SCRG1: variants seen among roughly 807,000 people sequenced by gnomAD.
The protein encoded by SCRG1 is scrapie-responsive protein 1.
In SCRG1, 3 loss-of-function variants were observed where a neutral mutation model predicts 7.7. The observed-to-expected ratio is 0.39, with a 90% CI of 0.18 to 1.01. The LOEUF is 1.01. Among genes scored for constraint, SCRG1 ranks in the 50% least tolerant of loss-of-function variants. The pLI, the probability that SCRG1 is intolerant of heterozygous loss-of-function variation, is 0.36. For synonymous variants in SCRG1, 46 were observed against 41.2 expected (o/e 1.12, Z -0.44); for missense variants, 110 against 117.2 (o/e 0.94, Z 0.28).
the SCRG1 span, among the ~76,000 whole-genome samples, chr4:173,496,950 C>A: frequency 6.6e-6 from 1 of 151,760 alleles, no homozygotes; most frequent in East Asian, 1.9e-4. Context: ...ACTAAAAATA[C>A]AAAAAATTAG....
the SCRG1 span, among the ~76,000 whole-genome samples, chr4:173,442,016 G>A: frequency 7.9e-5 from 12 of 152,128 alleles, no homozygotes; most frequent in African/African-American, 2.9e-4. Context: ...TTCAACTTTT[G>A]GCTCACAATA....
chr4:173,447,139 G>T, the SCRG1 span, among the ~76,000 whole-genome samples: 1 of 152,208 alleles, frequency 6.6e-6, no homozygotes, highest in Admixed American at 6.5e-5. Flanking sequence ...CTGGAGGCTG[G>T]AAGTCCACGA....
At chr4:173,428,030 C>A in the SCRG1 span, among the ~76,000 whole-genome samples, 1 of 152,040 alleles carries the variant, frequency 6.6e-6, no homozygotes, top group African/African-American at 2.4e-5. Context: ...ATGTTAGACA[C>A]AAGAATCAAT....
chr4:173,488,097 C>CTAAATAAA, the SCRG1 span, among the ~76,000 whole-genome samples: 6,267 of 144,950 alleles, frequency 0.043, 357 homozygotes, highest in African/African-American at 0.13. Flanking sequence ...GAGACTCTGT[C>CTAAATAAA]TAAATAAATA....
At chr4:173,492,106 G>C in the SCRG1 span, among the ~76,000 whole-genome samples, 1 of 151,954 alleles carries the variant, frequency 6.6e-6, no homozygotes, top group Non-Finnish European at 1.5e-5. Flanking sequence ...CTCCAGCCTG[G>C]GTGACAGAGT....
At chr4:173,408,745 G>A (rs1739972772), upstream of SCRG1, among the ~76,000 whole-genome samples, 1 of 152,102 alleles carries the variant, frequency 6.6e-6, no homozygotes, top group African/African-American at 2.4e-5. Flanking sequence ...TGTAATCCCA[G>A]CATTTTGGGA....
the SCRG1 span, among the ~76,000 whole-genome samples, chr4:173,452,685 C>T: frequency 1.3e-5 from 2 of 151,890 alleles, no homozygotes; most frequent in Non-Finnish European, 2.9e-5. Context: ...TTTTAAAGAC[C>T]CTGCTGCTCA....
At chr4:173,514,028 A>G in the SCRG1 span, among the ~76,000 whole-genome samples, 1 of 152,240 alleles carries the variant, frequency 6.6e-6, no homozygotes, top group Non-Finnish European at 1.5e-5. Context: ...ATAATACCAC[A>G]TATTGAGGAG....
At chr4:173,517,974 T>A in the SCRG1 span, among the ~76,000 whole-genome samples, 1 of 152,332 alleles carries the variant, frequency 6.6e-6, no homozygotes, top group South Asian at 2.1e-4. Context: ...CTCTCTCTGC[T>A]CCCCAGAGGC....
At chr4:173,465,401 GATAA>G in the SCRG1 span, among the ~76,000 whole-genome samples, 1 of 152,082 alleles carries the variant, frequency 6.6e-6, no homozygotes, top group Non-Finnish European at 1.5e-5. Context: ...CAGGGCAACT[GATAA>G]ATAAATTGTA....
At chr4:173,484,246 A>G in the SCRG1 span, among the ~76,000 whole-genome samples, 1 of 91,614 alleles carries the variant, frequency 1.1e-5, no homozygotes, top group African/African-American at 4.6e-5. Flanking sequence ...TATATATTAT[A>G]TATTTTCTAT....
chr4:173,485,927 G>A, the SCRG1 span, among the ~76,000 whole-genome samples: 1 of 152,100 alleles, frequency 6.6e-6, no homozygotes, highest in Non-Finnish European at 1.5e-5. Context: ...CCGAGATTGT[G>A]CCACCGCACT....
the SCRG1 span, among the ~76,000 whole-genome samples, chr4:173,431,375 C>G: frequency 6.6e-6 from 1 of 152,120 alleles, no homozygotes; most frequent in Middle Eastern, 3.4e-3. Flanking sequence ...CTGATTAATT[C>G]CAAAAGGGTA....
intron 2 of SCRG1, 37 bp downstream of exon 2, chr4:173,391,136 T>C: frequency 6.2e-7 from 1 of 1,608,354 alleles, no homozygotes; most frequent in Non-Finnish European, 8.5e-7. Context: ...TCTGCATACA[T>C]TTCCAGGCAA....
the SCRG1 span, among the ~76,000 whole-genome samples, chr4:173,511,104 C>G: frequency 2.0e-5 from 3 of 152,086 alleles, no homozygotes; most frequent in Non-Finnish European, 2.9e-5. The surrounding 1 kb of genome is among the most constrained non-coding windows in gnomAD (Gnocchi z 5.2). Flanking sequence ...GTAGCTGGGA[C>G]TATAGGCGCC....
At position 173,386,054 on chromosome 4, in the gene SCRG1, A is replaced by G. The variant is rs1739233930; in HGVS notation, c.*2287T>C. 1 of 152,170 alleles carries G rather than the reference A, an allele frequency of 6.6e-6. No homozygotes were observed. The allele number at this position is 152,170 out of a possible 1,614,324, so 9.4% of individuals were successfully genotyped here. A position where few individuals can be genotyped will look rare whatever the true frequency, so the allele number is the denominator to read the frequency against. Reference sequence around the variant, plus strand: ...ACTAATATTATCCATCTACCTACCTATCTATATTATTTTACAATTTCACTT... The same window carrying G: ...ACTAATATTATCCATCTACCTACCTGTCTATATTATTTTACAATTTCACTT... On this transcript the variant is annotated 3_prime_UTR_variant, in exon 3 of 3. Coordinates refer to ENST00000296506, the MANE Select transcript of SCRG1 (RefSeq NM_007281.4).
the SCRG1 span, among the ~76,000 whole-genome samples, chr4:173,487,645 T>A: frequency 6.6e-6 from 1 of 152,182 alleles, no homozygotes; most frequent in Non-Finnish European, 1.5e-5. Flanking sequence ...CAAAAGGCAA[T>A]TGAGATGTGA....
At chr4:173,473,042 T>C in the SCRG1 span, among the ~76,000 whole-genome samples, 441 of 152,380 alleles carry the variant, frequency 2.9e-3, no homozygotes, top group African/African-American at 0.01. Context: ...TAGTTAGCCA[T>C]TGCAACATTA....
At chr4:173,419,997 G>A in the SCRG1 span, 3 of 690,168 alleles carry the variant, frequency 4.3e-6, no homozygotes, top group Non-Finnish European at 8.0e-6. Context: ...TCCTGTATTT[G>A]GGTGTGTTGT....
Sources: allele counts gnomAD v4.1 joint callset (sites outside exome capture counted in the v4.1 genomes callset), GRCh38; gene constraint gnomAD v4.1.1; non-coding constraint Gnocchi (gnomAD v3.1); transcripts MANE v1.5; gene names NCBI Gene and HGNC (gene_info 2026-07-23, HGNC 2026-07-21).